Variants in AHNAK observed in about 807,000 individuals in gnomAD.
AHNAK encodes the protein neuroblast differentiation-associated protein AHNAK.
In AHNAK, 23 loss-of-function variants were observed where a neutral mutation model predicts 37.8. The observed-to-expected ratio is 0.61, with a 90% CI of 0.44 to 0.86. The LOEUF (loss-of-function observed/expected upper bound fraction) is 0.86. Among genes scored for constraint, AHNAK ranks in the 40% least tolerant of loss-of-function variants. The probability of loss-of-function intolerance (pLI) is 0.00; values close to 1 mark genes in which losing one functional copy is unlikely to be tolerated. For synonymous variants in AHNAK, 2,481 were observed against 2,636.3 expected (o/e 0.94, Z 1.80); for missense variants, 7,411 against 7,319.4 (o/e 1.01, Z -0.46).
Position 62,532,313 on chromosome 11 carries a change from C to T in AHNAK, c.2104G>A (p.Val702Ile), listed in dbSNP as rs778936136. 8 of 1,614,186 alleles carry T rather than the reference C, an allele frequency of 5.0e-6. No individual in the cohort carries two copies. The highest frequency in any genetic ancestry group is 5.9e-6 in the Non-Finnish European group (7 of 1,180,038). Residue 702 changes from valine (V) to isoleucine (I), a missense_variant, in exon 5 of 5, where the codon GTA becomes ATA. Val to Ile is a conservative substitution (Grantham distance 29, BLOSUM62 3). Transcript: ENST00000378024. ...VKTPKISMPDVDLHVKGTKVK... is the reference protein window; with the variant it reads ...VKTPKISMPDIDLHVKGTKVK... ...TTTGTACCTTTCACGTGCAAATCTA[C>T]ATCAGGCATGGAGATCTTTGGTGTC... is the stretch of plus-strand genomic sequence containing the variant.
intron 5 of AHNAK, among the ~76,000 whole-genome samples, chr11:62,466,469 ATTTTTTT>A (rs67385747): frequency 7.4e-6 from 1 of 135,776 alleles, no homozygotes; most frequent in East Asian, 2.1e-4. Context: ...TAAAGTTTTG[ATTTTTTT>A]TTTTTTTTTT....
At position 62,527,972 on chromosome 11, in the gene AHNAK, G is replaced by A. The variant is rs774509572; in HGVS notation, c.6445C>T (p.Pro2149Ser). ...LPKLEGDLTG[P>S]SVDVEVPDVE... is the part of the protein sequence containing the mutation. The stretch of plus-strand genomic sequence containing the variant: ...TCAGGCACCTCCACATCCACACTGG[G>A]GCCTGTTAAATCTCCCTCCAATTTT... Residue 2149 changes from proline (P) to serine (S), a missense_variant, in exon 5 of 5, where the codon CCC becomes TCC. Transcript: ENST00000378024. 3 of 1,613,208 alleles carry A rather than the reference G, an allele frequency of 1.9e-6. No homozygotes were observed. In the South Asian group the frequency reaches 3.3e-5, roughly 18 times the overall value.
Position 62,517,988 on chromosome 11 carries a change from C to G in AHNAK, c.16429G>C (p.Gly5477Arg). The change falls in exon 5 of 5, where the codon GGA (glycine) becomes CGA (arginine). Residue 5477 changes from glycine to arginine, a missense_variant. Physicochemically the swap from Gly to Arg is moderately radical, Grantham distance 125. Coordinates refer to ENST00000378024, the MANE Select transcript of AHNAK (RefSeq NM_001620.3). ...ACACCAATGCCTGGAAGACCTCCTC[C>G]GACAGTGGGGCCTTTGATCTCACCA... is the stretch of plus-strand genomic sequence containing the variant. ...ATGEIKGPTV[G>R]GGLPGIGVQG... 6.2e-7 allele frequency: 1 copy of G among 1,614,164 alleles called. No homozygotes were observed. Among genetic ancestry groups the G allele is most frequent in the Non-Finnish European group, 8.5e-7 (1 of 1,180,034 alleles).
intron 5 of AHNAK, among the ~76,000 whole-genome samples, chr11:62,434,853 T>C (rs1263440782): frequency 6.9e-6 from 1 of 144,306 alleles, no homozygotes; most frequent in African/African-American, 2.6e-5. Context: ...ATCACTTGAA[T>C]CCGGGAGGCA....
rs144898392 is a variant in AHNAK, at chr11:62,518,597, C to T, written c.15820G>A (p.Glu5274Lys). 9.9e-6 allele frequency: 16 copies of T among 1,614,082 alleles called. No homozygotes were observed. The highest frequency in any genetic ancestry group is 9.9e-5 in the South Asian group (9 of 91,086). ...GDLRGPDVKL[E>K]GPDVSLKGPG... is the part of the protein sequence containing the mutation. ...CCCTTTAGAGAAACATCGGGCCCTT[C>T]GAGCTTAACATCTGGTCCTCTCAAG... Residue 5274 changes from glutamate (E) to lysine (K), a missense_variant, in exon 5 of 5, where the codon GAA becomes AAA. By Grantham distance (56) the Glu-to-Lys change is moderately conservative. Coordinates refer to ENST00000378024, the MANE Select transcript of AHNAK (RefSeq NM_001620.3).
Position 62,527,402 on chromosome 11 carries a change from C to T in AHNAK, c.7015G>A (p.Gly2339Arg). The change falls in exon 5 of 5, where the codon GGA becomes AGA. Residue 2339 changes from glycine (G) to arginine (R), a missense_variant. Transcript: ENST00000378024. ...TCCAATTCTGGACCTTTTAACTCTC[C>T]CTCCAGCTTTGGGGCAGAAACATCA... is the stretch of plus-strand genomic sequence containing the variant. The part of the protein sequence containing the change: ...DVDVSAPKLE[G>R]ELKGPELDVK... The T allele has an allele frequency of 1.2e-6, 2 of 1,614,194 alleles. No individual in the cohort carries two copies. Among genetic ancestry groups the T allele is most frequent in the Non-Finnish European group, 1.7e-6 (2 of 1,180,030 alleles).
rs1200513496 is a variant in AHNAK, at chr11:62,522,175, T to A, written c.12242A>T (p.Asp4081Val). Reference protein sequence around the residue: ...PGFKGEGPEVDVNLPKADIDV... With the variant: ...PGFKGEGPEVVVNLPKADIDV... ...AATGTCAGCTTTGGGCAAATTAACA[T>A]CCACTTCTGGGCCCTCTCCTTTAAA... Residue 4081 changes from aspartate (D) to valine (V), a missense_variant, in exon 5 of 5, where the codon GAT becomes GTT. Asp to Val is a radical substitution (Grantham distance 152, BLOSUM62 -3). Transcript: ENST00000378024. 6.2e-7 allele frequency: 1 copy of A among 1,613,690 alleles called. No individual in the cohort carries two copies. The highest frequency in any genetic ancestry group is 8.5e-7 in the Non-Finnish European group (1 of 1,179,976).
At chr11:62,538,134 G>C (rs1941012300) in intron 1 of AHNAK, among the ~76,000 whole-genome samples, 1 of 152,074 alleles carries the variant, frequency 6.6e-6, no homozygotes, top group African/African-American at 2.4e-5. Flanking sequence ...CCAGTACCCA[G>C]GACCAGGGGG....
At chr11:62,488,565 A>ATT (rs57544040) in intron 5 of AHNAK, among the ~76,000 whole-genome samples, 17 of 133,962 alleles carry the variant, frequency 1.3e-4, no homozygotes, top group African/African-American at 1.7e-4. Flanking sequence ...TGCCCAGCTA[A>ATT]TTTTTTTTTT....
At chr11:62,475,077 C>T (rs966227881) in intron 5 of AHNAK, among the ~76,000 whole-genome samples, 2 of 152,110 alleles carry the variant, frequency 1.3e-5, no homozygotes, top group African/African-American at 2.4e-5. Flanking sequence ...CAGAGGTGGG[C>T]GGATCACCTG....
At chr11:62,452,896 G>A (rs780137432) in intron 5 of AHNAK, among the ~76,000 whole-genome samples, 12 of 152,080 alleles carry the variant, frequency 7.9e-5, no homozygotes, top group South Asian at 4.1e-4. Context: ...GTGGTGGCAC[G>A]CACCTGTAGT....
rs1264858239 is a variant in AHNAK at position 62,524,653 on chromosome 11, A to G, written c.9764T>C (p.Ile3255Thr). 3 of 1,614,194 alleles carry G rather than the reference A, an allele frequency of 1.9e-6. No individual in the cohort carries two copies. Among genetic ancestry groups the G allele is most frequent in the Non-Finnish European group, 1.7e-6 (2 of 1,180,036 alleles). ...EGDLKGPALD[I>T]KGPKIDVDAP... ...ATCTACATCTATCTTTGGGCCTTTTATGTCAAGAGCAGGTCCTTTCAAATC... is the reference window on the plus strand; with the variant it reads ...ATCTACATCTATCTTTGGGCCTTTTGTGTCAAGAGCAGGTCCTTTCAAATC... The change falls in exon 5 of 5, where the codon ATA (isoleucine) becomes ACA (threonine). Residue 3255 changes from isoleucine to threonine, a missense_variant. Ile to Thr is a moderately conservative substitution (Grantham distance 89). Coordinates refer to ENST00000378024, the MANE Select transcript of AHNAK (RefSeq NM_001620.3).
chr11:62,528,767 A>G lies in AHNAK; in HGVS notation c.5650T>C (p.Leu1884=). 2 of 1,599,182 alleles carry G rather than the reference A, an allele frequency of 1.3e-6. No individual in the cohort carries two copies. Among genetic ancestry groups the G allele is most frequent in the South Asian group, 2.2e-5 (2 of 90,564 alleles). ...TCCACACCCACACTGGGGCCTGTTA[A>G]ATCTCCCTCCAATTTTGGCACCGAC... ...DVSVPKLEGD[L]TGPSVGVEVP... The change falls in exon 5 of 5, where the codon TTA becomes CTA. Residue 1884 remains leucine (L), a synonymous_variant. Coordinates refer to ENST00000378024, the MANE Select transcript of AHNAK (RefSeq NM_001620.3).
At chr11:62,483,565 A>AAATAC (rs1939320404) in intron 5 of AHNAK, among the ~76,000 whole-genome samples, 2 of 149,570 alleles carry the variant, frequency 1.3e-5, no homozygotes, top group African/African-American at 2.5e-5. Context: ...TCTCTACTAA[A>AAATAC]AAAAAAACTA....
intron 5 of AHNAK, among the ~76,000 whole-genome samples, chr11:62,441,942 G>A (rs1938315136): frequency 6.6e-6 from 1 of 152,152 alleles, no homozygotes; most frequent in African/African-American, 2.4e-5. Flanking sequence ...CAGGCAGCAG[G>A]GCTGTCACCC....
chr11:62,523,312 C>A lies in AHNAK; in HGVS notation c.11105G>T (p.Gly3702Val). The change falls in exon 5 of 5, where the codon GGC becomes GTC. Residue 3702 changes from glycine (G) to valine (V), a missense_variant. Transcript: ENST00000378024. ...GGGGCCCTTGATGTCCACCTCAGGG[C>A]CTTTTAGATCACCTTCCACTTTGGG... is the stretch of plus-strand genomic sequence containing the variant. ...SLPKVEGDLK[G>V]PEVDIKGPKV... 6.2e-7 allele frequency: 1 copy of A among 1,613,490 alleles called. No individual in the cohort carries two copies. The highest frequency in any genetic ancestry group is 8.5e-7 in the Non-Finnish European group (1 of 1,179,820).
At chr11:62,481,693 T>C (rs1004988313) in intron 5 of AHNAK, among the ~76,000 whole-genome samples, 7 of 94,064 alleles carry the variant, frequency 7.4e-5, no homozygotes, top group Non-Finnish European at 1.6e-4. Context: ...TTCTCCTGCC[T>C]CAGCCTCTTG....
chr11:62,526,267 T>C lies in AHNAK; in HGVS notation c.8150A>G (p.Lys2717Arg). 6.2e-7 allele frequency: 1 copy of C among 1,613,628 alleles called. No homozygotes were observed. The highest frequency in any genetic ancestry group is 8.5e-7 in the Non-Finnish European group (1 of 1,179,924). Reference protein sequence around the residue: ...ISMPDIDLNLKGPKVKGDVDV... With the variant: ...ISMPDIDLNLRGPKVKGDVDV... ...CACATCACCCTTCACTTTGGGTCCT[T>C]TCAGGTTTAAGTCAATATCAGGCAT... is the stretch of plus-strand genomic sequence containing the variant. Residue 2717 changes from lysine to arginine, a missense_variant, in exon 5 of 5, where the codon AAA becomes AGA. By Grantham distance (26) the Lys-to-Arg change is conservative. Coordinates refer to ENST00000378024, the MANE Select transcript of AHNAK (RefSeq NM_001620.3).
chr11:62,501,049 T>C (rs1234543957), intron 4 of AHNAK, among the ~76,000 whole-genome samples: 1 of 151,620 alleles, frequency 6.6e-6, no homozygotes, highest in Non-Finnish European at 1.5e-5. Flanking sequence ...TGAAACACCA[T>C]CTCTACAAAA....
Sources: allele counts gnomAD v4.1 joint callset (sites outside exome capture counted in the v4.1 genomes callset), GRCh38; gene constraint gnomAD v4.1.1; transcripts MANE v1.5; gene names NCBI Gene and HGNC (gene_info 2026-07-23, HGNC 2026-07-21).